USP32: variants seen among roughly 807,000 people sequenced by gnomAD.
USP32 encodes ubiquitin specific peptidase 32.
A neutral mutation model predicts 204.8 loss-of-function variants in USP32; 59 were observed. The observed-to-expected ratio is 0.29, with a 90% CI of 0.23 to 0.36. The LOEUF (loss-of-function observed/expected upper bound fraction) is 0.36, where lower values mean the gene tolerates loss of function less well. Ranked by LOEUF, USP32 falls within the 10% of genes least tolerant of loss-of-function variation. The pLI is 1.00. For missense variants in USP32, 1,160 were observed against 1,946.4 expected (o/e 0.60, Z 7.60); for synonymous variants, 517 against 678.4 (o/e 0.76, Z 3.70).
intron 13 of USP32, among the ~76,000 whole-genome samples, chr17:60,224,106 C>T (rs892583908): frequency 8.5e-5 from 13 of 152,128 alleles, no homozygotes; most frequent in Non-Finnish European, 1.3e-4. Context: ...CTTTACAATA[C>T]GAAAATATGC....
intron 2 of USP32, among the ~76,000 whole-genome samples, chr17:60,325,098 A>T (rs527867827): frequency 6.6e-6 from 1 of 152,252 alleles, no homozygotes; most frequent in Non-Finnish European, 1.5e-5. Flanking sequence ...TTTTTAAAAC[A>T]AGGAAAAACA....
intron 2 of USP32, among the ~76,000 whole-genome samples, chr17:60,308,925 C>G (rs563508748): frequency 4.3e-4 from 65 of 152,166 alleles, no homozygotes; most frequent in African/African-American, 1.5e-3. Context: ...AAGACTCTGT[C>G]TCAAAATAAA....
At chr17:60,291,622 C>G (rs887211446) in intron 4 of USP32, among the ~76,000 whole-genome samples, 1 of 151,024 alleles carries the variant, frequency 6.6e-6, no homozygotes, top group Admixed American at 6.6e-5. Context: ...CTGAATTAAC[C>G]TATTCTAATA....
At chr17:60,306,022 T>A (rs1405841249) in intron 2 of USP32, among the ~76,000 whole-genome samples, 1 of 152,102 alleles carries the variant, frequency 6.6e-6, no homozygotes, top group Non-Finnish European at 1.5e-5. Context: ...CTTTAATCAA[T>A]GTTTCAGAAA....
chr17:60,265,587 G>T, intron 8 of USP32, 113 bp from the exon 9 acceptor site: 1 of 718,396 alleles, frequency 1.4e-6, no homozygotes. Flanking sequence ...TTGTAGAGAT[G>T]GGGTCTCCTT....
chr17:60,255,297 T>C (rs1252707397), intron 9 of USP32, 39 bp from the exon 10 acceptor site: 3 of 1,472,778 alleles, frequency 2.0e-6, no homozygotes, highest in Non-Finnish European at 2.8e-6. Context: ...ATCTTTTTTT[T>C]CTTTTTTTTT....
At chr17:60,383,146 T>C (rs1241714980) in intron 1 of USP32, among the ~76,000 whole-genome samples, 1 of 149,082 alleles carries the variant, frequency 6.7e-6, no homozygotes, top group African/African-American at 2.5e-5. Flanking sequence ...CTCAGGAGGC[T>C]GAAGCAGGAG....
intron 1 of USP32, among the ~76,000 whole-genome samples, chr17:60,379,708 T>C (rs1272808593): frequency 6.6e-6 from 1 of 152,134 alleles, no homozygotes; most frequent in Admixed American, 6.6e-5. Flanking sequence ...AAATTGGGAG[T>C]TTGAAATATG....
chr17:60,287,032 C>T (rs2087131975), intron 5 of USP32, among the ~76,000 whole-genome samples: 1 of 152,154 alleles, frequency 6.6e-6, no homozygotes, highest in African/African-American at 2.4e-5. Flanking sequence ...CACCTATAAT[C>T]CCAGCTACTC....
intron 2 of USP32, among the ~76,000 whole-genome samples, chr17:60,342,280 C>T (rs1055080661): frequency 9.2e-5 from 14 of 152,078 alleles, no homozygotes; most frequent in Non-Finnish European, 1.6e-4. Flanking sequence ...TATTGCTGCC[C>T]GATCCTTCCT....
At chr17:60,280,355 C>T (rs1421504178) in intron 5 of USP32, among the ~76,000 whole-genome samples, 2 of 152,096 alleles carry the variant, frequency 1.3e-5, no homozygotes, top group East Asian at 1.9e-4. Context: ...CCTCAGCCTC[C>T]CAAAGTGGTG....
chr17:60,304,124 T>A (rs1389709827), intron 2 of USP32, among the ~76,000 whole-genome samples: 2 of 151,782 alleles, frequency 1.3e-5, no homozygotes, highest in East Asian at 3.9e-4. Flanking sequence ...CAAATCACAT[T>A]GAAACTTCTC....
chr17:60,187,387 A>G (rs34690480), intron 29 of USP32, among the ~76,000 whole-genome samples: 4,887 of 152,310 alleles, frequency 0.032, 118 homozygotes, highest in Non-Finnish European at 0.049. Flanking sequence ...TTTTTTGAGT[A>G]CAAATTCTGT....
At chr17:60,247,400 G>A (rs557324879) in intron 11 of USP32, among the ~76,000 whole-genome samples, 3 of 152,060 alleles carry the variant, frequency 2.0e-5, no homozygotes, top group South Asian at 2.1e-4. Context: ...GGCTGGTCTC[G>A]AACTCCTGGC....
chr17:60,226,279 A>G (rs1169796079), intron 12 of USP32, 48 bp from the exon 13 acceptor site: 1 of 1,448,082 alleles, frequency 6.9e-7, no homozygotes, highest in East Asian at 2.6e-5. Context: ...ATAATCTGAC[A>G]ACTATGTAGT....
At chr17:60,369,054 GC>G (rs2089381048) in intron 1 of USP32, among the ~76,000 whole-genome samples, 3 of 135,632 alleles carry the variant, frequency 2.2e-5, no homozygotes, top group Non-Finnish European at 4.5e-5. Flanking sequence ...GAGTGCAGTG[GC>G]GGGATCTCGG....
At position 60,219,761 on chromosome 17, in the gene USP32, G is replaced by A; in HGVS notation, c.1776C>T (p.Ile592=). The change falls in exon 16 of 34, where the codon ATC becomes ATT. Residue 592 remains isoleucine, a synonymous_variant. Coordinates refer to ENST00000300896, the MANE Select transcript of USP32 (RefSeq NM_032582.4). ...AGCGGGGAAATAATTCCAGCTCTGG[G>A]ATGTCTGTCTTGCTGTTCTTGATAA... is the stretch of plus-strand genomic sequence containing the variant. The part of the protein sequence containing the change: ...RPVIKNSKTD[I]PELELFPRYL... 1 of 1,612,104 alleles carries A rather than the reference G, an allele frequency of 6.2e-7. No individual in the cohort carries two copies. The highest frequency in any genetic ancestry group is 8.5e-7 in the Non-Finnish European group (1 of 1,179,274).
Position 60,292,913 on chromosome 17 carries a change from C to T in USP32, c.411+1770G>A, listed in dbSNP as rs181660205. Reference sequence around the variant, plus strand: ...AATATATAATCATTTCCTACCACTCCCTTGTTCACACCATTCCAACTAAAT... The same window carrying T: ...AATATATAATCATTTCCTACCACTCTCTTGTTCACACCATTCCAACTAAAT... On this transcript the variant is annotated intron_variant, in intron 4 of 33. Coordinates refer to ENST00000300896, the MANE Select transcript of USP32 (RefSeq NM_032582.4). Among the ~76,000 whole-genome samples the T allele has an allele frequency of 7.1e-3, 1,083 of 152,286 alleles. 9 individuals carry two copies. The highest frequency in any genetic ancestry group is 0.012 in the Non-Finnish European group (837 of 68,018).
chr17:60,212,871 A>G (rs2085007459), intron 18 of USP32, among the ~76,000 whole-genome samples: 1 of 151,456 alleles, frequency 6.6e-6, no homozygotes, highest in African/African-American at 2.4e-5. Flanking sequence ...CTCGTGCCTC[A>G]GCTTCCTGAG....
Sources: allele counts gnomAD v4.1 joint callset (sites outside exome capture counted in the v4.1 genomes callset), GRCh38; gene constraint gnomAD v4.1.1; transcripts MANE v1.5; gene names NCBI Gene and HGNC (gene_info 2026-07-23, HGNC 2026-07-21).